LRCH3: variants seen among roughly 807,000 people sequenced by gnomAD.
LRCH3 encodes DISP complex protein LRCH3.
Under a neutral mutation model 104.5 loss-of-function variants are expected in LRCH3, and 68 were observed. That is an observed-to-expected ratio of 0.65 (90% confidence interval 0.54 to 0.80). The LOEUF is 0.80. Among genes scored for constraint, LRCH3 ranks in the 30% least tolerant of loss-of-function variants. The probability of loss-of-function intolerance (pLI) is 0.00; values close to 1 mark genes in which losing one functional copy is unlikely to be tolerated. For missense variants in LRCH3, 951 were observed against 953.9 expected (o/e 1.00, Z 0.04); for synonymous variants, 344 against 361.3 (o/e 0.95, Z 0.54).
At chr3:197,791,229 C>T (rs749522208), upstream of LRCH3, 18 of 1,586,484 alleles carry the variant, frequency 1.1e-5, no homozygotes, top group Non-Finnish European at 1.5e-5. Context: ...ACCCAGCGGT[C>T]CGGCCGCGCA....
At chr3:197,871,651 AAATGT>A in intron 19 of LRCH3, 189 bp downstream of exon 19, 1 of 650,702 alleles carries the variant, frequency 1.5e-6, no homozygotes, top group Non-Finnish European at 2.5e-6. Context: ...GCAGTGCGAT[AAATGT>A]AAGAAAGGCA....
chr3:197,877,654 A>G (rs1272722791), intron 20 of LRCH3, among the ~76,000 whole-genome samples: 5 of 152,262 alleles, frequency 3.3e-5, no homozygotes, highest in Non-Finnish European at 5.9e-5. Flanking sequence ...AGTGAAAGAG[A>G]GAGCGCCCAG....
intron 4 of LRCH3, among the ~76,000 whole-genome samples, chr3:197,824,355 G>A (rs1384267854): frequency 1.9e-5 from 2 of 105,366 alleles, no homozygotes; most frequent in Non-Finnish European, 3.8e-5. Flanking sequence ...GAGCCACCAC[G>A]CCCGGCTTTT....
rs1714184397 is a variant in LRCH3, at chr3:197,886,233, TACTCAGGAGGCTGGGGTGGGAGGATC to T, written c.*2571_*2596del. The T allele has an allele frequency of 6.7e-6, 1 of 150,280 alleles. No homozygotes were observed. Among genetic ancestry groups the T allele is most frequent in the East Asian group, 2.0e-4 (1 of 5,088 alleles). The allele number at this position is 150,280 out of a possible 1,614,324, so 9.3% of individuals were successfully genotyped here. ...GGTGGCACCTGCCTGTACTCCCAGC[TACTCAGGAGGCTGGGGTGGGAGGATC>T]ACTTGAGCCTGGGAGGTTGAGGCTA... On this transcript the variant is annotated 3_prime_UTR_variant, in exon 21 of 21. Transcript: ENST00000425562.
rs1321473757 is a variant in LRCH3 at position 197,859,008 on chromosome 3, G to A, written c.1716+103G>A. 94 of 838,362 alleles carry A rather than the reference G, an allele frequency of 1.1e-4. No homozygotes were observed. The East Asian group carries it at 1.9e-3, about 17-fold the overall frequency. 51.9% of individuals were successfully genotyped at this position (838,362 alleles called of 1,614,324 possible). ...ATCTAACAATCTGAAATATAGGATC[G>A]CATAAATATACCTGTTTATGGAACT... On this transcript the variant is annotated intron_variant, in intron 15 of 20. Coordinates refer to ENST00000425562, the MANE Select transcript of LRCH3 (RefSeq NM_001365715.1).
intron 8 of LRCH3, among the ~76,000 whole-genome samples, chr3:197,833,239 G>T (rs1736200134): frequency 6.6e-6 from 1 of 151,880 alleles, no homozygotes; most frequent in African/African-American, 2.4e-5. Flanking sequence ...GTTTTTTTAG[G>T]CTGGGCGTGG....
intron 4 of LRCH3, among the ~76,000 whole-genome samples, chr3:197,824,725 C>T (rs1383924719): frequency 2.0e-5 from 3 of 151,268 alleles, no homozygotes; most frequent in Non-Finnish European, 2.9e-5. Context: ...GAGCCCGCCA[C>T]CACGCCTGGC....
chr3:197,793,594 A>T (rs1399068305), intron 1 of LRCH3, among the ~76,000 whole-genome samples: 1 of 152,254 alleles, frequency 6.6e-6, no homozygotes, highest in Non-Finnish European at 1.5e-5. Flanking sequence ...CACCGTGTTG[A>T]GTCCTTAAAT....
intron 10 of LRCH3, among the ~76,000 whole-genome samples, chr3:197,845,419 A>AAAAG (rs1553922336): frequency 2.0e-5 from 3 of 151,704 alleles, no homozygotes; most frequent in Non-Finnish European, 4.4e-5. Flanking sequence ...AAAAAAAAAA[A>AAAAG]AAAGAAAGAA....
chr3:197,863,397 G>T lies in LRCH3; in HGVS notation c.1717-2026G>T, dbSNP rs143339774. ...CTGCCTCAGCCTCCCAAGTAGCTGG[G>T]ACTACAGGCGCCACCACCATGCCCA... On this transcript the variant is annotated intron_variant, in intron 15 of 20. Coordinates refer to ENST00000425562, the MANE Select transcript of LRCH3 (RefSeq NM_001365715.1). 3.9e-5 allele frequency among the ~76,000 whole-genome samples: 6 copies of T among 152,210 alleles called. No homozygotes were observed. In the East Asian group the frequency reaches 1.2e-3, roughly 29 times the overall value.
rs1223273760 is a variant in LRCH3, at chr3:197,797,882, AC to A, written c.262+6343del. Among the ~76,000 whole-genome samples the A allele has an allele frequency of 3.6e-3, 482 of 134,852 alleles. 6 individuals are homozygous for A. Among genetic ancestry groups the A allele is most frequent in the African/African-American group, 0.012 (393 of 33,810 alleles). The allele number at this position is 134,852 out of a possible 152,430, so 88.5% of individuals were successfully genotyped here. ...CTCAAAAAAAAAAAAAACAAAAAAA[AC>A]AAAAAAAAAAACAAAACCAGAAAAA... On this transcript the variant is annotated intron_variant, in intron 1 of 20. Transcript: ENST00000425562.
At chr3:197,852,758 G>A (rs930491147) in intron 13 of LRCH3, 138 bp downstream of exon 13, 1 of 849,470 alleles carries the variant, frequency 1.2e-6, no homozygotes, top group East Asian at 2.6e-5. Context: ...TTCTCCTTAT[G>A]AGGGAGATGA....
intron 3 of LRCH3, among the ~76,000 whole-genome samples, chr3:197,819,333 A>C (rs1207347878): frequency 1.9e-5 from 1 of 53,672 alleles, no homozygotes; most frequent in African/African-American, 4.2e-5. Context: ...TATGCTTTCA[A>C]CTTTTTTTTT....
chr3:197,837,647 C>G (rs1432034531), intron 9 of LRCH3, among the ~76,000 whole-genome samples: 2 of 151,990 alleles, frequency 1.3e-5, no homozygotes, highest in Non-Finnish European at 2.9e-5. Context: ...CCATTCCTGT[C>G]TGAACATGGT....
intron 1 of LRCH3, among the ~76,000 whole-genome samples, chr3:197,796,725 T>C (rs1328155155): frequency 6.6e-6 from 1 of 152,200 alleles, no homozygotes; most frequent in Admixed American, 6.5e-5. Flanking sequence ...TTAAATAATT[T>C]GATCAAGGTC....
chr3:197,875,441 A>G (rs903073517), intron 19 of LRCH3, among the ~76,000 whole-genome samples: 4 of 152,204 alleles, frequency 2.6e-5, no homozygotes, highest in African/African-American at 9.6e-5. Flanking sequence ...AGGCAGGCAG[A>G]TTGCTTGAAC....
chr3:197,848,135 A>G (rs183207883), intron 12 of LRCH3, 114 bp downstream of exon 12: 11 of 1,033,692 alleles, frequency 1.1e-5, no homozygotes, highest in African/African-American at 1.6e-5. Context: ...TTCTCTCTGT[A>G]AGGAATCTTG....
rs1714217043 is a variant in LRCH3, at chr3:197,886,699, G to C, written c.*3033G>C. On this transcript the variant is annotated 3_prime_UTR_variant, in exon 21 of 21. Transcript: ENST00000425562. ...GGGCACCTGTAATCCCAGCTACTTG[G>C]GTGGCTGAGGCACAAGAATCGCTTC... The C allele has an allele frequency of 6.6e-6, 1 of 151,744 alleles. No individual in the cohort carries two copies. The highest frequency in any genetic ancestry group is 1.5e-5 in the Non-Finnish European group (1 of 68,012). 9.4% of individuals were successfully genotyped at this position (151,744 alleles called of 1,614,324 possible).
chr3:197,880,985 C>A, intron 20 of LRCH3: 1 of 1,314,852 alleles, frequency 7.6e-7, no homozygotes, highest in Non-Finnish European at 9.7e-7. Context: ...GTTTCTCTTA[C>A]CATAAATGCT....
Sources: allele counts gnomAD v4.1 joint callset (sites outside exome capture counted in the v4.1 genomes callset), GRCh38; gene constraint gnomAD v4.1.1; transcripts MANE v1.5; gene names NCBI Gene and HGNC (gene_info 2026-07-23, HGNC 2026-07-21).